Variants in RPS6KA2 observed in about 807,000 individuals in gnomAD.
RPS6KA2 encodes ribosomal protein S6 kinase A2, also known as ribosomal protein S6 kinase alpha-2.
Under a neutral mutation model 91.8 loss-of-function variants are expected in RPS6KA2, and 42 were observed. The ratio of observed to expected loss-of-function variants is 0.46; its 90% CI spans 0.36 to 0.59. The LOEUF is 0.59. RPS6KA2 is among the 20% of genes least tolerant of loss of function. The probability of loss-of-function intolerance (pLI) is 0.00; values close to 1 mark genes in which losing one functional copy is unlikely to be tolerated. For missense variants in RPS6KA2, 798 were observed against 978.5 expected (o/e 0.82, Z 2.46); for synonymous variants, 414 against 393.6 (o/e 1.05, Z -0.61).
At chr6:166,513,407 C>A (rs967318122) in intron 3 of RPS6KA2, among the ~76,000 whole-genome samples, 1 of 151,988 alleles carries the variant, frequency 6.6e-6, no homozygotes, top group Non-Finnish European at 1.5e-5. Context: ...GGAGGTCCTT[C>A]TTCTGCCTCA....
At chr6:166,812,194 A>G (rs1318617624) in intron 2 of RPS6KA2, among the ~76,000 whole-genome samples, 1 of 152,108 alleles carries the variant, frequency 6.6e-6, no homozygotes, top group African/African-American at 2.4e-5. Flanking sequence ...TGTCTCTACT[A>G]AAAATAAAAA....
In RPS6KA2 at chr6:166,757,097, T is replaced by C. The variant is rs566708218; in HGVS notation, c.123+101103A>G. Among the ~76,000 whole-genome samples, 30 of 152,316 alleles carry C rather than the reference T, an allele frequency of 2.0e-4. 1 individual carries two copies. The South Asian group carries it at 6.0e-3, about 30-fold the overall frequency. On this transcript the variant is annotated intron_variant, in intron 2 of 21. Coordinates refer to the RPS6KA2 transcript ENST00000503859. ...ATAAAAAAAAGCAGAAACAATTTTTTAAAGGGCAAACTGCTAGCTCTTGAA... is the reference window on the plus strand; with the variant it reads ...ATAAAAAAAAGCAGAAACAATTTTTCAAAGGGCAAACTGCTAGCTCTTGAA...
At chr6:166,661,952 C>CA (rs1332261613) in intron 2 of RPS6KA2, among the ~76,000 whole-genome samples, 1 of 152,176 alleles carries the variant, frequency 6.6e-6, no homozygotes, top group African/African-American at 2.4e-5. Flanking sequence ...CCCTTTATAA[C>CA]ACAGTACATA....
chr6:166,574,463 A>G (rs1784783609), intron 1 of RPS6KA2, among the ~76,000 whole-genome samples: 1 of 152,238 alleles, frequency 6.6e-6, no homozygotes, highest in South Asian at 2.1e-4. Context: ...CTCCAGCTGC[A>G]CAGATGTGGC....
chr6:166,605,969 A>G (rs1434945594), intron 1 of RPS6KA2, among the ~76,000 whole-genome samples: 1 of 152,190 alleles, frequency 6.6e-6, no homozygotes, highest in Non-Finnish European at 1.5e-5. Flanking sequence ...CTGTTATCAG[A>G]TCACGGTCCT....
chr6:166,780,831 G>A (rs1778749079), intron 2 of RPS6KA2, among the ~76,000 whole-genome samples: 1 of 152,192 alleles, frequency 6.6e-6, no homozygotes, highest in Non-Finnish European at 1.5e-5. Flanking sequence ...CAGCCTGGTT[G>A]GATTACACAG....
At chr6:166,839,701 A>T (rs1562465806) in intron 2 of RPS6KA2, among the ~76,000 whole-genome samples, 1 of 116,344 alleles carries the variant, frequency 8.6e-6, no homozygotes. Flanking sequence ...AGGGGAGGAG[A>T]GGAGAGGAGA....
chr6:166,829,473 C>T (rs907449171), intron 2 of RPS6KA2, among the ~76,000 whole-genome samples: 2 of 151,592 alleles, frequency 1.3e-5, no homozygotes, highest in Non-Finnish European at 2.9e-5. Flanking sequence ...CGCCCGTAGT[C>T]CCAGCTACTC....
intron 1 of RPS6KA2, among the ~76,000 whole-genome samples, chr6:166,859,457 A>G (rs1047732569): frequency 6.6e-6 from 1 of 152,220 alleles, no homozygotes; most frequent in African/African-American, 2.4e-5. Context: ...ACTTGCCAGA[A>G]CATAATTCAT....
In RPS6KA2 at chr6:166,701,498, C is replaced by T. The variant is rs1487628688; in HGVS notation, c.123+156702G>A. 8 of 1,292,278 alleles carry T rather than the reference C, an allele frequency of 6.2e-6. No individual in the cohort carries two copies. In the East Asian group the frequency reaches 1.6e-4, roughly 26 times the overall value. 80.1% of individuals were successfully genotyped at this position (1,292,278 alleles called of 1,614,324 possible). Reference sequence around the variant, plus strand: ...ATCCTCACCTTAGCATCTGGTGCTTCCACTGGAGCAATCTTACTTGAAGCT... The same window carrying T: ...ATCCTCACCTTAGCATCTGGTGCTTTCACTGGAGCAATCTTACTTGAAGCT... On this transcript the variant is annotated intron_variant, in intron 2 of 21. Transcript: ENST00000503859.
At chr6:166,547,581 G>A (rs568623367) in intron 1 of RPS6KA2, among the ~76,000 whole-genome samples, 3 of 152,376 alleles carry the variant, frequency 2.0e-5, no homozygotes, top group Admixed American at 1.3e-4. Flanking sequence ...AGCAAATGGA[G>A]AGGATGTGCT....
intron 2 of RPS6KA2, among the ~76,000 whole-genome samples, chr6:166,695,502 T>C (rs1278652778): frequency 6.6e-6 from 1 of 152,224 alleles, no homozygotes; most frequent in African/African-American, 2.4e-5. Flanking sequence ...AATGTATTTT[T>C]CTGATTATGT....
intron 14 of RPS6KA2, among the ~76,000 whole-genome samples, chr6:166,436,285 G>T (rs1772864159): frequency 6.8e-6 from 1 of 147,312 alleles, no homozygotes; most frequent in African/African-American, 2.6e-5. Context: ...ACTAATGTCA[G>T]CAGTAGAGCG....
intron 2 of RPS6KA2, among the ~76,000 whole-genome samples, chr6:166,720,873 C>A (rs1177549007): frequency 6.6e-6 from 1 of 152,194 alleles, no homozygotes; most frequent in Non-Finnish European, 1.5e-5. Flanking sequence ...CACAGGGAGC[C>A]TAGAACCTCC....
Position 166,498,023 on chromosome 6 carries a change from TC to T in RPS6KA2, c.747+484del, listed in dbSNP as rs1289101995. On this transcript the variant is annotated intron_variant, in intron 8 of 20. Transcript: ENST00000265678. Reference sequence around the variant, plus strand: ...AGATTGGGAAAGGAGCCCACACAGTTCCTAGGGCGGAGAAGACCCAGTCCAA... The same window carrying T: ...AGATTGGGAAAGGAGCCCACACAGTTCTAGGGCGGAGAAGACCCAGTCCAA... 8.5e-5 allele frequency among the ~76,000 whole-genome samples: 13 copies of T among 152,130 alleles called. 1 individual carries two copies. In the South Asian group the frequency reaches 2.1e-3, roughly 24 times the overall value.
chr6:166,860,336 T>C (rs1781016495), intron 1 of RPS6KA2, among the ~76,000 whole-genome samples: 1 of 152,194 alleles, frequency 6.6e-6, no homozygotes, highest in South Asian at 2.1e-4. Flanking sequence ...ATGTATCCAA[T>C]TTTCCTCAAA....
intron 2 of RPS6KA2, among the ~76,000 whole-genome samples, chr6:166,738,112 C>A (rs1790719053): frequency 1.3e-5 from 2 of 152,196 alleles, no homozygotes; most frequent in Admixed American, 6.5e-5. Context: ...TCTTCCCTAT[C>A]AATGAACATA....
rs1786885098 is a variant in RPS6KA2 at position 166,626,569 on chromosome 6, C to T, written c.99+352G>A. ...GACTTTGAGGGACCCCCGCGGAGCG[C>T]TCCGCGCCACTCGGCGGTCTAGCTG... On this transcript the variant is annotated intron_variant, in intron 1 of 20. Coordinates refer to ENST00000265678, the MANE Select transcript of RPS6KA2 (RefSeq NM_021135.6). This position sits in a 1 kb window ranked among gnomAD's most constrained non-coding sequence, Gnocchi z 4.1. 6.6e-6 allele frequency among the ~76,000 whole-genome samples: 1 copy of T among 152,228 alleles called. No individual in the cohort carries two copies.
In RPS6KA2 at chr6:166,729,832, G is replaced by C. The variant is rs144582806; in HGVS notation, c.123+128368C>G. On this transcript the variant is annotated intron_variant, in intron 2 of 21. Transcript: ENST00000503859. ...CTTATTTATATTCCCCTGTAACATA[G>C]TGTGTGATAACCCTGGACACCCACT... 5.0e-3 allele frequency among the ~76,000 whole-genome samples: 758 copies of C among 152,248 alleles called. 5 individuals are homozygous for C. Among genetic ancestry groups the C allele is most frequent in the African/African-American group, 0.017 (715 of 41,532 alleles).
Sources: allele counts gnomAD v4.1 joint callset (sites outside exome capture counted in the v4.1 genomes callset), GRCh38; gene constraint gnomAD v4.1.1; non-coding constraint Gnocchi (gnomAD v3.1); transcripts MANE v1.5; gene names NCBI Gene and HGNC (gene_info 2026-07-23, HGNC 2026-07-21).